The following FOXO3 variants were observed in gnomAD, a reference collection of about 807,000 sequenced individuals.
FOXO3 encodes forkhead box O3, also known as forkhead box protein O3.
Under a neutral mutation model 41.9 loss-of-function variants are expected in FOXO3, and 4 were observed. The ratio of observed to expected loss-of-function variants is 0.10; its 90% CI spans 0.05 to 0.22. The LOEUF (loss-of-function observed/expected upper bound fraction) is 0.22, where lower values mean the gene tolerates loss of function less well. FOXO3 is among the 10% of genes least tolerant of loss of function. The pLI is 1.00. For missense variants in FOXO3, 534 were observed against 906.8 expected, an observed-to-expected ratio of 0.59 and a Z score of 5.28; for synonymous variants, 318 against 389.3, an observed-to-expected ratio of 0.82 and a Z score of 2.16.
chr6:108,589,936 G>T (rs1776689673), intron 1 of FOXO3, among the ~76,000 whole-genome samples: 1 of 152,178 alleles, frequency 6.6e-6, no homozygotes, highest in Admixed American at 6.5e-5. Context: ...TGTTGCAAGA[G>T]CAGGTGCTAT....
At chr6:108,647,481 C>T (rs1184811539) in intron 1 of FOXO3, among the ~76,000 whole-genome samples, 2 of 152,178 alleles carry the variant, frequency 1.3e-5, no homozygotes, top group Non-Finnish European at 2.9e-5. Flanking sequence ...ACAGAATTTT[C>T]TGATTGATGT....
intron 1 of FOXO3, among the ~76,000 whole-genome samples, chr6:108,601,184 T>C (rs1277412527): frequency 6.6e-6 from 1 of 152,026 alleles, no homozygotes; most frequent in East Asian, 1.9e-4. Context: ...ATTTTTTTTT[T>C]TGCATTTTTA....
chr6:108,621,045 A>G, intron 1 of FOXO3, among the ~76,000 whole-genome samples: 1 of 152,182 alleles, frequency 6.6e-6, no homozygotes, highest in East Asian at 1.9e-4. Context: ...TTTAATTGTT[A>G]AAGTTAGATA....
At chr6:108,666,241 C>G (rs1779055396) in intron 2 of FOXO3, among the ~76,000 whole-genome samples, 1 of 152,134 alleles carries the variant, frequency 6.6e-6, no homozygotes, top group South Asian at 2.1e-4. Context: ...TACCATGCAA[C>G]TAGGTATACT....
At chr6:108,658,003 C>T (rs934907980) in intron 1 of FOXO3, among the ~76,000 whole-genome samples, 9 of 152,270 alleles carry the variant, frequency 5.9e-5, no homozygotes, top group African/African-American at 1.9e-4. Context: ...GGGGAGTTGG[C>T]TCTTACATGT....
At position 108,676,990 on chromosome 6, in the gene FOXO3, G is replaced by A. The variant is rs140087444; in HGVS notation, c.*35-2837G>A. Among the ~76,000 whole-genome samples the A allele has an allele frequency of 2.4e-3, 369 of 152,310 alleles. 2 individuals are homozygous for A. The highest frequency in any genetic ancestry group is 8.6e-3 in the African/African-American group (359 of 41,578). On this transcript the variant is annotated intron_variant, in intron 2 of 2. Coordinates refer to ENST00000406360, the MANE Select transcript of FOXO3 (RefSeq NM_001455.4). ...AATCTGTTTTCCTTCTGTCACAGAGGAAACCAAAGGCCTTTCTGTTCTCTG... is the reference window on the plus strand; with the variant it reads ...AATCTGTTTTCCTTCTGTCACAGAGAAAACCAAAGGCCTTTCTGTTCTCTG...
At position 108,663,972 on chromosome 6, in the gene FOXO3, A is replaced by G; in HGVS notation, c.1139A>G (p.Asp380Gly). ...TDMAGTMNLN[D>G]GLTENLMDDL... ...ATGGCAGGCACCATGAATCTGAATG[A>G]TGGGCTGACTGAAAACCTCATGGAC... The change falls in exon 2 of 3, where the codon GAT becomes GGT. Residue 380 changes from aspartate (D) to glycine (G), a missense_variant. Transcript: ENST00000406360. 6.2e-7 allele frequency: 1 copy of G among 1,614,170 alleles called. No homozygotes were observed. The highest frequency in any genetic ancestry group is 8.5e-7 in the Non-Finnish European group (1 of 1,180,028).
At chr6:108,602,957 A>T (rs1290562553) in intron 1 of FOXO3, among the ~76,000 whole-genome samples, 5 of 152,212 alleles carry the variant, frequency 3.3e-5, no homozygotes, top group Non-Finnish European at 7.3e-5. Context: ...GATAGGGTTA[A>T]TAACATATCT....
At chr6:108,645,256 T>C (rs1372808259) in intron 1 of FOXO3, among the ~76,000 whole-genome samples, 1 of 152,234 alleles carries the variant, frequency 6.6e-6, no homozygotes, top group African/African-American at 2.4e-5. Flanking sequence ...GCTCACTGGC[T>C]GTTGATGTTA....
At chr6:108,581,905 A>G (rs1776431888) in intron 1 of FOXO3, among the ~76,000 whole-genome samples, 1 of 152,222 alleles carries the variant, frequency 6.6e-6, no homozygotes, top group East Asian at 1.9e-4. Context: ...ACTTTGTTTA[A>G]AAAAACTTGG....
chr6:108,641,952 AT>A (rs1290279730), intron 1 of FOXO3, among the ~76,000 whole-genome samples: 1 of 152,182 alleles, frequency 6.6e-6, no homozygotes, highest in African/African-American at 2.4e-5. Flanking sequence ...CATTCTGCAT[AT>A]TCTGTGTTGT....
intron 1 of FOXO3, among the ~76,000 whole-genome samples, chr6:108,602,481 G>C (rs978443378): frequency 2.6e-5 from 4 of 151,926 alleles, no homozygotes; most frequent in Middle Eastern, 3.2e-3. Context: ...TGTTTTTTGC[G>C]TGAAGTTTGG....
chr6:108,583,053 G>A (rs1326519820), intron 1 of FOXO3, among the ~76,000 whole-genome samples: 1 of 152,182 alleles, frequency 6.6e-6, no homozygotes, highest in Non-Finnish European at 1.5e-5. Flanking sequence ...GATCAAAGAT[G>A]TAAAGGAGGT....
chr6:108,617,961 CGA>C (rs2128371747), intron 1 of FOXO3: 1 of 515,392 alleles, frequency 1.9e-6, no homozygotes, highest in East Asian at 3.8e-5. Flanking sequence ...TCGTGGTCTG[CGA>C]GAACAGAGTT....
chr6:108,595,540 T>C (rs1189938832), intron 1 of FOXO3, among the ~76,000 whole-genome samples: 2 of 152,202 alleles, frequency 1.3e-5, no homozygotes, highest in African/African-American at 4.8e-5. Flanking sequence ...TTTTGTAGTT[T>C]CTGTAACTTT....
chr6:108,681,820 A>G lies in FOXO3; in HGVS notation c.*2028A>G, dbSNP rs1770866703. On this transcript the variant is annotated 3_prime_UTR_variant, in exon 3 of 3. Transcript: ENST00000406360. ...TGTCAGTGAGCCAGACTTGCTTACT[A>G]TATTCCTTTATAATAATGCTAGCCA... 6.6e-6 allele frequency: 1 copy of G among 152,132 alleles called. No homozygotes were observed. Among genetic ancestry groups the G allele is most frequent in the Non-Finnish European group, 1.5e-5 (1 of 68,042 alleles). The allele number at this position is 152,132 out of a possible 1,614,324, so 9.4% of individuals were successfully genotyped here.
intron 1 of FOXO3, among the ~76,000 whole-genome samples, chr6:108,593,920 T>C (rs1262605306): frequency 1.3e-5 from 2 of 151,888 alleles, no homozygotes; most frequent in African/African-American, 4.8e-5. Context: ...AGTTTCACCA[T>C]CTTGGCAGGG....
intron 1 of FOXO3, among the ~76,000 whole-genome samples, chr6:108,624,255 T>G (rs779313988): frequency 2.0e-5 from 3 of 152,176 alleles, no homozygotes; most frequent in African/African-American, 7.2e-5. Context: ...TGCTGGAATT[T>G]TAGGGTGTAT....
In FOXO3 at chr6:108,561,434, G is replaced by T. The variant is rs775303160; in HGVS notation, c.226G>T (p.Ala76Ser). ...DEDGGGRAGSAMAIGGGGGSG... is the reference protein window; with the variant it reads ...DEDGGGRAGSSMAIGGGGGSG... Reference sequence around the variant, plus strand: ...GGACGGCGGGGGACGGGCCGGCTCGGCCATGGCGATCGGCGGCGGCGGCGG... The same window carrying T: ...GGACGGCGGGGGACGGGCCGGCTCGTCCATGGCGATCGGCGGCGGCGGCGG... The change falls in exon 1 of 3, where the codon GCC becomes TCC. Residue 76 changes from alanine (A) to serine (S), a missense_variant. Ala to Ser is a moderately conservative substitution (Grantham distance 99). Transcript: ENST00000406360. The T allele has an allele frequency of 8.5e-6, 13 of 1,537,816 alleles. No homozygotes were observed. Among genetic ancestry groups the T allele is most frequent in the Non-Finnish European group, 1.1e-5 (13 of 1,144,600 alleles).
Sources: gnomAD v4.1 joint callset for allele counts (sites outside exome capture counted in the v4.1 genomes callset) on GRCh38, gnomAD v4.1.1 for gene constraint, MANE v1.5 for transcripts, NCBI Gene and HGNC (gene_info 2026-07-23, HGNC 2026-07-21) for gene names.